The following VPS13B variants were observed in gnomAD, a reference collection of about 807,000 sequenced individuals.
The protein encoded by VPS13B is intermembrane lipid transfer protein VPS13B.
Under a neutral mutation model 426.4 loss-of-function variants are expected in VPS13B, and 285 were observed. That is an observed-to-expected ratio of 0.67 (90% CI 0.61 to 0.74). The LOEUF is 0.74. VPS13B is among the 30% of genes least tolerant of loss of function. The pLI is 0.00. For synonymous variants in VPS13B, 1,676 were observed against 1,676.4 expected (o/e 1.00, Z 0.01); for missense variants, 4,537 against 4,782.6 (o/e 0.95, Z 1.51).
intron 19 of VPS13B, among the ~76,000 whole-genome samples, chr8:99,314,699 C>T (rs1479896817): frequency 6.6e-6 from 1 of 150,692 alleles, no homozygotes; most frequent in African/African-American, 2.5e-5. Context: ...AATCCTCCTG[C>T]CTTGGCCTCC....
chr8:99,520,760 T>C (rs576154432), intron 29 of VPS13B, 139 bp from the exon 30 acceptor site: 2 of 631,020 alleles, frequency 3.2e-6, no homozygotes, highest in East Asian at 2.9e-5. Flanking sequence ...TTAAACATGA[T>C]TTTTTTTCAT....
intron 22 of VPS13B, among the ~76,000 whole-genome samples, chr8:99,437,683 A>C (rs1033173632): frequency 2.0e-5 from 3 of 152,108 alleles, no homozygotes; most frequent in Non-Finnish European, 2.9e-5. Context: ...GCGCCACTGC[A>C]CTCCAGCCTG....
chr8:99,127,879 G>T (rs1809515005), intron 8 of VPS13B, among the ~76,000 whole-genome samples: 1 of 152,036 alleles, frequency 6.6e-6, no homozygotes, highest in Non-Finnish European at 1.5e-5. Context: ...TTTTATTTTT[G>T]TAAGTATCTT....
chr8:99,305,315 A>G (rs1820579573), intron 19 of VPS13B, among the ~76,000 whole-genome samples: 1 of 152,152 alleles, frequency 6.6e-6, no homozygotes, highest in African/African-American at 2.4e-5. Flanking sequence ...ACTAGTAAAA[A>G]TAATACAAAT....
chr8:99,581,614 A>G lies in VPS13B; in HGVS notation c.5220+3981A>G, dbSNP rs187157643. On this transcript the variant is annotated intron_variant, in intron 33 of 61. Coordinates refer to ENST00000357162, the MANE Select transcript of VPS13B (RefSeq NM_152564.5). ...GCCTTTAAATGAACCTTATTTCTCT[A>G]TACATACAGGTTGAGTCCCCTATCT... 1.2e-4 allele frequency among the ~76,000 whole-genome samples: 19 copies of G among 152,210 alleles called. No individual in the cohort carries two copies. The East Asian group carries it at 3.1e-3, about 25-fold the overall frequency.
intron 23 of VPS13B, among the ~76,000 whole-genome samples, chr8:99,447,957 T>C (rs2133453151): frequency 6.6e-6 from 1 of 151,784 alleles, no homozygotes; most frequent in Non-Finnish European, 1.5e-5. Context: ...AAAATCTCTC[T>C]TATTTCTACA....
chr8:99,131,935 C>T (rs1378561275), intron 8 of VPS13B, among the ~76,000 whole-genome samples: 2 of 152,142 alleles, frequency 1.3e-5, no homozygotes, highest in Non-Finnish European at 2.9e-5. Context: ...CTCTCTCTGT[C>T]ACCCAGGCTG....
chr8:99,177,623 A>G (rs556241991), intron 16 of VPS13B, among the ~76,000 whole-genome samples: 2 of 152,230 alleles, frequency 1.3e-5, no homozygotes, highest in Admixed American at 1.3e-4. Context: ...GGAAAATTTG[A>G]TATTTTCCAC....
At chr8:99,394,250 A>G (rs993897536) in intron 21 of VPS13B, among the ~76,000 whole-genome samples, 3 of 152,174 alleles carry the variant, frequency 2.0e-5, no homozygotes, top group Non-Finnish European at 2.9e-5. Context: ...ATCACAGCCT[A>G]TGGTCCAATG....
intron 8 of VPS13B, among the ~76,000 whole-genome samples, chr8:99,133,139 T>C (rs1809889932): frequency 6.6e-6 from 1 of 152,204 alleles, no homozygotes; most frequent in Non-Finnish European, 1.5e-5. Context: ...ATCTGTTGAT[T>C]AGTGTAGCCA....
chr8:99,490,240 A>C (rs1210397743), intron 25 of VPS13B, among the ~76,000 whole-genome samples: 1 of 152,200 alleles, frequency 6.6e-6, no homozygotes, highest in African/African-American at 2.4e-5. Flanking sequence ...CTTGCATCCC[A>C]GGGATGAAGC....
At chr8:99,071,292 C>T (rs543281026) in intron 3 of VPS13B, among the ~76,000 whole-genome samples, 3 of 152,146 alleles carry the variant, frequency 2.0e-5, no homozygotes, top group Non-Finnish European at 4.4e-5. Context: ...TCTTTGGTTG[C>T]TGCAGCTGTA....
At chr8:99,255,330 T>G (rs988886751) in intron 17 of VPS13B, among the ~76,000 whole-genome samples, 2 of 152,242 alleles carry the variant, frequency 1.3e-5, no homozygotes, top group Non-Finnish European at 2.9e-5. Context: ...TTATAATGGC[T>G]GCTTTAAAAT....
In VPS13B at chr8:99,822,565, T is replaced by C. The variant is rs574881742; in HGVS notation, c.9183+1083T>C. 2.6e-5 allele frequency among the ~76,000 whole-genome samples: 4 copies of C among 152,326 alleles called. No homozygotes were observed. The South Asian group carries it at 8.3e-4, about 32-fold the overall frequency. Reference sequence around the variant, plus strand: ...ATATTCAGTCAACACCCAATACCTCTAGCACCTAACAAAGTAGCCACAGCA... The same window carrying C: ...ATATTCAGTCAACACCCAATACCTCCAGCACCTAACAAAGTAGCCACAGCA... On this transcript the variant is annotated intron_variant, in intron 50 of 61. Coordinates refer to ENST00000357162, the MANE Select transcript of VPS13B (RefSeq NM_152564.5).
intron 43 of VPS13B, among the ~76,000 whole-genome samples, chr8:99,786,461 G>C (rs1334470030): frequency 6.6e-6 from 1 of 152,076 alleles, no homozygotes; most frequent in Non-Finnish European, 1.5e-5. Flanking sequence ...TTGTCTGTTA[G>C]AATAGCCAAG....
At chr8:99,054,215 T>C (rs1284418546) in intron 3 of VPS13B, among the ~76,000 whole-genome samples, 1 of 152,242 alleles carries the variant, frequency 6.6e-6, no homozygotes, top group South Asian at 2.1e-4. Context: ...CTGGATCATA[T>C]AGTAATTCTG....
chr8:99,229,641 T>A (rs565770166), intron 17 of VPS13B, among the ~76,000 whole-genome samples: 1 of 152,066 alleles, frequency 6.6e-6, no homozygotes, highest in African/African-American at 2.4e-5. Context: ...AAATCTGATA[T>A]AAAGGACCGT....
intron 42 of VPS13B, among the ~76,000 whole-genome samples, chr8:99,782,191 C>T (rs1258546785): frequency 3.3e-5 from 5 of 152,112 alleles, no homozygotes; most frequent in Non-Finnish European, 7.4e-5. Flanking sequence ...CCCTTCTTCT[C>T]CCCTGTATTT....
chr8:99,013,987 G>A, intron 2 of VPS13B, 52 bp downstream of exon 2: 4 of 1,612,534 alleles, frequency 2.5e-6, no homozygotes, highest in Admixed American at 3.3e-5. Context: ...TTGTTTAGAC[G>A]GTAATCTATT....
Sources: gnomAD v4.1 joint callset for allele counts (sites outside exome capture counted in the v4.1 genomes callset) on GRCh38, gnomAD v4.1.1 for gene constraint, MANE v1.5 for transcripts, NCBI Gene and HGNC (gene_info 2026-07-23, HGNC 2026-07-21) for gene names.